DPH6: variants seen among roughly 807,000 people sequenced by gnomAD.
DPH6 encodes diphthamine biosynthesis 6, also known as diphthine--ammonia ligase.
Under a neutral mutation model 38.2 loss-of-function variants are expected in DPH6, and 33 were observed. That is an observed-to-expected ratio of 0.86 (90% confidence interval 0.65 to 1.15). The LOEUF (loss-of-function observed/expected upper bound fraction) is 1.15. Among genes scored for constraint, DPH6 ranks in the 50% most tolerant of loss-of-function variants. The probability of loss-of-function intolerance (pLI) is 0.00; values close to 1 mark genes in which losing one functional copy is unlikely to be tolerated. For synonymous variants in DPH6, 108 were observed against 103.0 expected (o/e 1.05, Z -0.30); for missense variants, 325 against 320.0 (o/e 1.02, Z -0.12).
At chr15:35,239,739 C>T (rs543462026) in intron 3 of DPH6, among the ~76,000 whole-genome samples, 11,807 of 141,062 alleles carry the variant, frequency 0.084, 1,741 homozygotes, top group African/African-American at 0.12. Context: ...GGGCAAGTAC[C>T]CCTCAACCCC....
rs1288448783 is a variant in DPH6 at position 35,298,718 on chromosome 15, T to C, written n.200+74803A>G. ...ACCCTGGCCCTCCCGGAAGCCGTAC[T>C]TCTGTATGATCTTGTGCGCCACCGT... On this transcript the variant is annotated intron_variant and non_coding_transcript_variant, in intron 3 of 3. Coordinates refer to the DPH6 transcript ENST00000560386. 6 of 1,581,990 alleles carry C rather than the reference T, an allele frequency of 3.8e-6. No homozygotes were observed. In the East Asian group the frequency reaches 8.9e-5, roughly 24 times the overall value.
At position 35,386,936 on chromosome 15, in the gene DPH6, T is replaced by C. The variant is rs1173520660; in HGVS notation, c.568-5020A>G. Among the ~76,000 whole-genome samples the C allele has an allele frequency of 1.7e-4, 26 of 152,356 alleles. No homozygotes were observed. The South Asian group carries it at 5.2e-3, about 30-fold the overall frequency. ...TTGCCCATGCCTATGTCCTGAATGG[T>C]AATGCCTAGGTTTTCTTCTAGGGTT... On this transcript the variant is annotated intron_variant, in intron 6 of 8. Coordinates refer to ENST00000256538, the MANE Select transcript of DPH6 (RefSeq NM_080650.4).
chr15:35,502,837 A>G (rs1383925327), intron 3 of DPH6, among the ~76,000 whole-genome samples: 4 of 150,272 alleles, frequency 2.7e-5, no homozygotes, highest in African/African-American at 7.3e-5. Context: ...ACAATTATTA[A>G]TACTAGAGTG....
intron 3 of DPH6, chr15:35,283,048 CTTCTTCT>C (rs138639312): frequency 0.023 from 3,946 of 171,054 alleles, 157 homozygotes; most frequent in African/African-American, 0.094. Context: ...CTTCTTCTTC[CTTCTTCT>C]TCCTTCTTCT....
At chr15:35,443,453 T>A (rs2053813674) in intron 5 of DPH6, among the ~76,000 whole-genome samples, 1 of 151,928 alleles carries the variant, frequency 6.6e-6, no homozygotes, top group South Asian at 2.1e-4. Context: ...AGGCAAGGGG[T>A]CTGGAAAAAT....
intron 3 of DPH6, among the ~76,000 whole-genome samples, chr15:35,469,397 AAAGTTAAAAGC>A (rs1359592459): frequency 2.6e-5 from 4 of 152,314 alleles, no homozygotes; most frequent in East Asian, 1.9e-4. Flanking sequence ...AGAAAAGTTA[AAAGTTAAAAGC>A]AAGTTAAAAG....
At chr15:35,154,595 T>TA in the DPH6 span, among the ~76,000 whole-genome samples, 1 of 152,144 alleles carries the variant, frequency 6.6e-6, no homozygotes, top group African/African-American at 2.4e-5. Context: ...GCATATGAAA[T>TA]AAAAAAATGT....
chr15:35,537,322 T>C (rs1343606767), intron 3 of DPH6, among the ~76,000 whole-genome samples: 1 of 152,044 alleles, frequency 6.6e-6, no homozygotes, highest in Non-Finnish European at 1.5e-5. Flanking sequence ...GGAATCTTCT[T>C]TCCTTCCCCT....
intron 3 of DPH6, among the ~76,000 whole-genome samples, chr15:35,501,347 T>A (rs562360544): frequency 2.6e-5 from 4 of 152,332 alleles, no homozygotes; most frequent in Non-Finnish European, 4.4e-5. Flanking sequence ...TCTTGTTAGA[T>A]GAGTTTAGCT....
At chr15:35,491,548 TACACACACACACACACAC>T (rs71309445) in intron 3 of DPH6, among the ~76,000 whole-genome samples, 4 of 137,696 alleles carry the variant, frequency 2.9e-5, no homozygotes, top group African/African-American at 8.0e-5. Context: ...CCAATAGGTG[TACACACACACACACACAC>T]ACACACACAC....
chr15:35,514,823 G>A (rs144600933), intron 3 of DPH6, among the ~76,000 whole-genome samples: 10 of 152,132 alleles, frequency 6.6e-5, no homozygotes, highest in African/African-American at 2.2e-4. Flanking sequence ...TCCCCAACAG[G>A]CCCAGATAGA....
At chr15:35,199,856 C>A in the DPH6 span, among the ~76,000 whole-genome samples, 1 of 151,794 alleles carries the variant, frequency 6.6e-6, no homozygotes, top group Admixed American at 6.6e-5. Flanking sequence ...AAAAAAATAC[C>A]TCTCTCAAGA....
At chr15:35,369,635 G>C (rs1261251435), downstream of DPH6, among the ~76,000 whole-genome samples, 1 of 119,746 alleles carries the variant, frequency 8.4e-6, no homozygotes, top group African/African-American at 3.2e-5. Context: ...AAAAAAAAAA[G>C]AAAAATCCCA....
intron 3 of DPH6, among the ~76,000 whole-genome samples, chr15:35,475,943 A>C (rs868227214): frequency 2.6e-5 from 4 of 151,924 alleles, no homozygotes. Context: ...TTAATAATAC[A>C]AAACAGTAAA....
intron 7 of DPH6, among the ~76,000 whole-genome samples, chr15:35,376,593 C>T (rs542663488): frequency 6.6e-6 from 1 of 152,256 alleles, no homozygotes; most frequent in African/African-American, 2.4e-5. Context: ...GCCTTCCATT[C>T]ACTCACCACT....
intron 1 of DPH6, among the ~76,000 whole-genome samples, chr15:35,544,433 G>A (rs1174209781): frequency 6.6e-6 from 1 of 151,862 alleles, no homozygotes; most frequent in Admixed American, 6.6e-5. Flanking sequence ...GCAAACCACC[G>A]TGGCACATGT....
chr15:35,392,217 C>T (rs1018047188), intron 6 of DPH6, among the ~76,000 whole-genome samples: 8 of 152,094 alleles, frequency 5.3e-5, no homozygotes, highest in Non-Finnish European at 7.4e-5. Context: ...CTTTCTGGCA[C>T]ACTTATTTAT....
At position 35,527,671 on chromosome 15, in the gene DPH6, T is replaced by C. The variant is rs182339075; in HGVS notation, c.312+10603A>G. ...GAAGGAGTTGGAAAGGAGAAGTTAT[T>C]TCTGACTAAAACGCAGCACTATTCA... On this transcript the variant is annotated intron_variant, in intron 3 of 8. Coordinates refer to ENST00000256538, the MANE Select transcript of DPH6 (RefSeq NM_080650.4). Among the ~76,000 whole-genome samples, 315 of 152,234 alleles carry C rather than the reference T, an allele frequency of 2.1e-3. 1 individual carries two copies. The highest frequency in any genetic ancestry group is 2.7e-3 in the Non-Finnish European group (186 of 67,996).
chr15:35,256,114 A>G (rs957066294), intron 3 of DPH6, among the ~76,000 whole-genome samples: 1 of 152,144 alleles, frequency 6.6e-6, no homozygotes. Context: ...AGTTTCTCTA[A>G]TTGTTAACAT....
Sources: allele counts gnomAD v4.1 joint callset (sites outside exome capture counted in the v4.1 genomes callset), GRCh38; gene constraint gnomAD v4.1.1; transcripts MANE v1.5; gene names NCBI Gene and HGNC (gene_info 2026-07-23, HGNC 2026-07-21).